The following ANKRD27 variants were observed in gnomAD, a reference collection of about 807,000 sequenced individuals.
The protein encoded by ANKRD27 is ankyrin repeat domain 27.
In ANKRD27, 112 loss-of-function variants were observed where a neutral mutation model predicts 129.7. The ratio of observed to expected loss-of-function variants is 0.86; its 90% CI spans 0.74 to 1.01. The LOEUF is 1.01. Among genes scored for constraint, ANKRD27 ranks in the 50% least tolerant of loss-of-function variants. The pLI is 0.00. For synonymous variants in ANKRD27, 516 were observed against 511.2 expected, an observed-to-expected ratio of 1.01 and a Z score of -0.13; for missense variants, 1,258 against 1,300.5, an observed-to-expected ratio of 0.97 and a Z score of 0.50.
rs376378422 is a variant in ANKRD27 at position 32,627,291 on chromosome 19, G to A, written c.1421-464C>T. 1.6e-4 allele frequency among the ~76,000 whole-genome samples: 25 copies of A among 152,138 alleles called. 1 individual carries two copies. In the East Asian group the frequency reaches 3.9e-3, roughly 23 times the overall value. On this transcript the variant is annotated intron_variant, in intron 15 of 28. Transcript: ENST00000306065. ...ACCCCAGACACTCATCAATCACAAC[G>A]ATCTCTGGGAGACAGGGATGGCCGG...
intron 1 of ANKRD27, among the ~76,000 whole-genome samples, chr19:32,666,641 A>C (rs453066): frequency 2.0e-5 from 1 of 49,326 alleles, no homozygotes; most frequent in African/African-American, 1.2e-4. Flanking sequence ...TCAGATTTCT[A>C]TTTTTTTTTT....
intron 12 of ANKRD27, among the ~76,000 whole-genome samples, chr19:32,634,984 T>C (rs903166759): frequency 6.6e-5 from 10 of 152,110 alleles, no homozygotes; most frequent in Non-Finnish European, 1.3e-4. Context: ...CTCTCAAATA[T>C]TACTGCCAAT....
At position 32,661,666 on chromosome 19, in the gene ANKRD27, G is replaced by A. The variant is rs557918199; in HGVS notation, c.-30-2621C>T. 4.6e-5 allele frequency among the ~76,000 whole-genome samples: 7 copies of A among 152,170 alleles called. No individual in the cohort carries two copies. In the South Asian group the frequency reaches 6.2e-4, roughly 14 times the overall value. On this transcript the variant is annotated intron_variant, in intron 1 of 28. Transcript: ENST00000306065. ...CCAGAAGTTTTGATGTGAATGGACCGTCATCCCTCAGTATACTTGGGGGAT... is the reference window on the plus strand; with the variant it reads ...CCAGAAGTTTTGATGTGAATGGACCATCATCCCTCAGTATACTTGGGGGAT...
intron 4 of ANKRD27, 48 bp from the exon 5 acceptor site, chr19:32,644,527 C>G (rs1313668456): frequency 6.2e-7 from 1 of 1,601,230 alleles, no homozygotes; most frequent in African/African-American, 1.3e-5. Flanking sequence ...TCTGCTGGTT[C>G]CTGACTCTGT....
intron 1 of ANKRD27, chr19:32,672,950 C>T (rs1248956376): frequency 6.6e-6 from 1 of 152,220 alleles, no homozygotes; most frequent in Non-Finnish European, 1.5e-5. Context: ...CTCCACTCCT[C>T]TATGAGAGGA....
At position 32,597,607 on chromosome 19, in the gene ANKRD27, CT is replaced by C. The variant is rs1291594043; in HGVS notation, c.*537del. ...GAATATCAAAATGGGATTGAGGCAT[CT>C]TTTGGTTCGAGTGTTGCTTTGCAAA... On this transcript the variant is annotated 3_prime_UTR_variant, in exon 29 of 29. Transcript: ENST00000306065. 6.3e-6 allele frequency: 1 copy of C among 159,384 alleles called. No homozygotes were observed. Among genetic ancestry groups the C allele is most frequent in the Admixed American group, 5.8e-5 (1 of 17,244 alleles). The allele number at this position is 159,384 out of a possible 1,614,324, so 9.9% of individuals were successfully genotyped here.
chr19:32,653,733 G>T (rs373655702), intron 2 of ANKRD27, among the ~76,000 whole-genome samples: 4 of 151,346 alleles, frequency 2.6e-5, no homozygotes, highest in Non-Finnish European at 5.9e-5. Context: ...GTGGCGTGGC[G>T]GGGGCGGGGA....
chr19:32,644,191 TAGAG>T (rs1967256738), intron 5 of ANKRD27, 130 bp downstream of exon 5: 3 of 1,092,332 alleles, frequency 2.7e-6, no homozygotes, highest in Non-Finnish European at 2.6e-6. Flanking sequence ...CTTTTATAGT[TAGAG>T]AGAAACATTT....
chr19:32,663,096 T>C (rs756261416), intron 1 of ANKRD27, among the ~76,000 whole-genome samples: 1 of 152,168 alleles, frequency 6.6e-6, no homozygotes, highest in Non-Finnish European at 1.5e-5. Flanking sequence ...GAAAAGTAAA[T>C]GTATATACAT....
chr19:32,643,281 A>G lies in ANKRD27; in HGVS notation c.705+6T>C, dbSNP rs202158403. ...CCATCTTGGGTGATAATAACTGAGA[A>G]CCTACCTCACTTGCCTCCATGGTCC... On this transcript the variant is annotated splice_donor_region_variant and intron_variant, in intron 8 of 28. Coordinates refer to ENST00000306065, the MANE Select transcript of ANKRD27 (RefSeq NM_032139.3). 172 of 1,614,058 alleles carry G rather than the reference A, an allele frequency of 1.1e-4. No homozygotes were observed. The highest frequency in any genetic ancestry group is 9.7e-4 in the Admixed American group (58 of 59,996).
chr19:32,648,005 C>T (rs892405032), intron 3 of ANKRD27, among the ~76,000 whole-genome samples: 5 of 152,324 alleles, frequency 3.3e-5, no homozygotes, highest in South Asian at 4.1e-4. Context: ...GTGGCTCATG[C>T]CTGTAATCCA....
chr19:32,618,327 G>A (rs977235900), intron 20 of ANKRD27, among the ~76,000 whole-genome samples: 6 of 151,576 alleles, frequency 4.0e-5, no homozygotes, highest in African/African-American at 1.5e-4. Flanking sequence ...TTAGCTAAGT[G>A]CAGTGGCTCG....
Position 32,626,710 on chromosome 19 carries a change from A to T in ANKRD27, c.1536+2T>A. Reference sequence around the variant, plus strand: ...GCCCGCCACAAAGGCACCACTGCTCACCGTCACGCTCTGGTAGCCCTTCTG... The same window carrying T: ...GCCCGCCACAAAGGCACCACTGCTCTCCGTCACGCTCTGGTAGCCCTTCTG... On this transcript the variant is annotated splice_donor_variant, in intron 16 of 28. Transcript: ENST00000306065. LOFTEE classifies it high-confidence loss of function. The T allele has an allele frequency of 6.3e-7, 1 of 1,599,890 alleles. No homozygotes were observed. Among genetic ancestry groups the T allele is most frequent in the Non-Finnish European group, 8.5e-7 (1 of 1,172,896 alleles).
intron 2 of ANKRD27, among the ~76,000 whole-genome samples, chr19:32,658,428 C>G (rs991366806): frequency 6.6e-6 from 1 of 152,162 alleles, no homozygotes; most frequent in African/African-American, 2.4e-5. Context: ...TGGCCTCTAC[C>G]AGAAAAGTTC....
intron 23 of ANKRD27, among the ~76,000 whole-genome samples, chr19:32,606,497 G>C (rs917640315): frequency 2.2e-5 from 2 of 92,948 alleles, no homozygotes; most frequent in Admixed American, 2.0e-4. Flanking sequence ...CAGGAGAAAA[G>C]GGACCAGGTG....
chr19:32,655,949 C>T (rs1269562734), intron 2 of ANKRD27, among the ~76,000 whole-genome samples: 1 of 150,854 alleles, frequency 6.6e-6, no homozygotes, highest in Non-Finnish European at 1.5e-5. Flanking sequence ...ACCCAGGAGG[C>T]AGAGGTTGCA....
At chr19:32,615,542 C>A in intron 22 of ANKRD27, 116 bp downstream of exon 22, 2 of 1,547,814 alleles carry the variant, frequency 1.3e-6, no homozygotes, top group East Asian at 4.6e-5. Flanking sequence ...CATGACTGTA[C>A]CACTGCACTC....
intron 12 of ANKRD27, among the ~76,000 whole-genome samples, chr19:32,634,641 C>T (rs899956309): frequency 2.0e-5 from 3 of 152,230 alleles, no homozygotes; most frequent in Admixed American, 6.5e-5. Flanking sequence ...TCAGGCTGGG[C>T]GCAGTGGCTG....
chr19:32,616,900 C>T (rs1971928882), intron 21 of ANKRD27, among the ~76,000 whole-genome samples: 1 of 152,128 alleles, frequency 6.6e-6, no homozygotes, highest in Non-Finnish European at 1.5e-5. Flanking sequence ...TCCTCCTCTC[C>T]CCAAGACGCT....
Sources: allele counts gnomAD v4.1 joint callset (sites outside exome capture counted in the v4.1 genomes callset), GRCh38; gene constraint gnomAD v4.1.1; transcripts MANE v1.5; gene names NCBI Gene and HGNC (gene_info 2026-07-23, HGNC 2026-07-21).